Variants in LOC400499 observed in about 807,000 individuals in gnomAD.
the LOC400499 span, among the ~76,000 whole-genome samples, chr16:11,461,822 C>T: frequency 6.6e-6 from 1 of 152,208 alleles, no homozygotes; most frequent in African/African-American, 2.4e-5. Context: ...AGGGCCAGCA[C>T]CTGCTCACTC....
At chr16:11,448,038 C>A in the LOC400499 span, 1 of 1,536,024 alleles carries the variant, frequency 6.5e-7, no homozygotes, top group Non-Finnish European at 8.7e-7. Context: ...GGGCACCAAT[C>A]CGCACAGCCG....
At chr16:11,491,521 G>C in the LOC400499 span, among the ~76,000 whole-genome samples, 2 of 152,070 alleles carry the variant, frequency 1.3e-5, no homozygotes. Flanking sequence ...ATGTGGGGGA[G>C]GGGAGAATAC....
chr16:11,461,745 T>C, the LOC400499 span, among the ~76,000 whole-genome samples: 1 of 152,182 alleles, frequency 6.6e-6, no homozygotes, highest in South Asian at 2.1e-4. Context: ...CTCCTGTCCT[T>C]ACCTTGGAAT....
the LOC400499 span, chr16:11,516,294 G>A: frequency 1.0e-5 from 4 of 399,166 alleles, no homozygotes; most frequent in South Asian, 1.3e-4. Context: ...AGTGGGTTAC[G>A]GCCCAGGGTG....
At chr16:11,490,378 A>T in the LOC400499 span, among the ~76,000 whole-genome samples, 1 of 143,312 alleles carries the variant, frequency 7.0e-6, no homozygotes, top group East Asian at 2.1e-4. Context: ...CCTGGGCAAC[A>T]GAGTGAGACT....
chr16:11,424,601 G>A, the LOC400499 span, among the ~76,000 whole-genome samples: 2 of 152,206 alleles, frequency 1.3e-5, no homozygotes, highest in Non-Finnish European at 2.9e-5. Context: ...ACATGCAGCC[G>A]GTGATAAGAC....
chr16:11,417,871 C>G, the LOC400499 span: 9 of 398,596 alleles, frequency 2.3e-5, no homozygotes, highest in Admixed American at 3.1e-4. Flanking sequence ...GCTGGACCAC[C>G]CTGTGCAGAG....
At chr16:11,376,585 C>G in the LOC400499 span, among the ~76,000 whole-genome samples, 1 of 152,190 alleles carries the variant, frequency 6.6e-6, no homozygotes, top group Non-Finnish European at 1.5e-5. Context: ...ACACTTTTGA[C>G]CACTGTAGCT....
the LOC400499 span, among the ~76,000 whole-genome samples, chr16:11,431,626 G>A: frequency 5.3e-5 from 8 of 152,236 alleles, no homozygotes; most frequent in Admixed American, 1.3e-4. Flanking sequence ...GGCTGGTCTC[G>A]AACTCCTGAC....
At chr16:11,412,495 A>G in the LOC400499 span, among the ~76,000 whole-genome samples, 4 of 152,188 alleles carry the variant, frequency 2.6e-5, no homozygotes, top group African/African-American at 9.7e-5. Context: ...TGAGGGCTAG[A>G]GCCTGGCTGG....
the LOC400499 span, among the ~76,000 whole-genome samples, chr16:11,493,392 C>A: frequency 6.6e-6 from 1 of 152,190 alleles, no homozygotes; most frequent in Non-Finnish European, 1.5e-5. Context: ...GGCCCGTAGT[C>A]TGCCAAACCC....
chr16:11,389,185 C>A, the LOC400499 span, among the ~76,000 whole-genome samples: 1 of 152,208 alleles, frequency 6.6e-6, no homozygotes, highest in African/African-American at 2.4e-5. Context: ...GTGGCTCTTG[C>A]TGAAACTCTA....
At chr16:11,416,089 G>A in the LOC400499 span, among the ~76,000 whole-genome samples, 1 of 151,778 alleles carries the variant, frequency 6.6e-6, no homozygotes, top group African/African-American at 2.4e-5. Context: ...CTGAGTAGCT[G>A]GGACTACAGG....
the LOC400499 span, chr16:11,402,222 C>G: frequency 5.0e-6 from 2 of 398,862 alleles, no homozygotes; most frequent in East Asian, 3.6e-5. Flanking sequence ...GCTCCAGGCC[C>G]AAGGGGGTTC....
the LOC400499 span, chr16:11,398,291 C>T: frequency 8.2e-7 from 1 of 1,223,406 alleles, no homozygotes; most frequent in Non-Finnish European, 1.0e-6. Flanking sequence ...CTCACTGCTG[C>T]CCCCTCACCA....
the LOC400499 span, among the ~76,000 whole-genome samples, chr16:11,375,673 G>T: frequency 6.6e-6 from 1 of 150,932 alleles, no homozygotes; most frequent in Non-Finnish European, 1.5e-5. Context: ...ATCTTTTTAT[G>T]TGCTTATTGG....
the LOC400499 span, among the ~76,000 whole-genome samples, chr16:11,483,459 C>A: frequency 6.6e-6 from 1 of 152,030 alleles, no homozygotes; most frequent in African/African-American, 2.4e-5. Flanking sequence ...CAATGGAATA[C>A]CATTAAGCAA....
the LOC400499 span, chr16:11,385,194 A>G: frequency 1.6e-6 from 2 of 1,231,798 alleles, no homozygotes; most frequent in Non-Finnish European, 2.0e-6. Flanking sequence ...ACAGGCTGCC[A>G]TGCCTCTCCT....
chr16:11,464,143 T>C, the LOC400499 span, among the ~76,000 whole-genome samples: 1 of 123,552 alleles, frequency 8.1e-6, no homozygotes, highest in East Asian at 2.4e-4. Context: ...TATGGACGTG[T>C]GTATGATGTG....
Sources: gnomAD v4.1 joint callset for allele counts (sites outside exome capture counted in the v4.1 genomes callset) on GRCh38, gnomAD v4.1.1 for gene constraint, MANE v1.5 for transcripts.